Variants in MECOM observed in about 807,000 individuals in gnomAD.
MECOM encodes the protein histone-lysine N-methyltransferase MECOM.
MECOM carries 13 observed loss-of-function variants against 116.3 expected under a neutral mutation model. The ratio of observed to expected loss-of-function variants is 0.11; its 90% confidence interval spans 0.07 to 0.18. The LOEUF (loss-of-function observed/expected upper bound fraction) is 0.18. Ranked by LOEUF, MECOM falls within the 10% of genes least tolerant of loss-of-function variation. The pLI is 1.00. For missense variants in MECOM, 1,299 were observed against 1,509.0 expected, an observed-to-expected ratio of 0.86 and a Z score of 2.31; for synonymous variants, 528 against 535.2, an observed-to-expected ratio of 0.99 and a Z score of 0.19.
At chr3:169,379,306 C>T (rs189906153) in intron 2 of MECOM, among the ~76,000 whole-genome samples, 4 of 151,904 alleles carry the variant, frequency 2.6e-5, no homozygotes, top group East Asian at 1.9e-4. Flanking sequence ...GAAGGGTAAT[C>T]GTTAAAATGA....
chr3:169,534,726 C>T (rs1400189622), intron 1 of MECOM, among the ~76,000 whole-genome samples: 1 of 152,184 alleles, frequency 6.6e-6, no homozygotes, highest in Non-Finnish European at 1.5e-5. Context: ...ACATGCAATC[C>T]TCATCCCATG....
chr3:169,175,721 A>G (rs1385354958), intron 2 of MECOM, among the ~76,000 whole-genome samples: 2 of 152,176 alleles, frequency 1.3e-5, no homozygotes, highest in African/African-American at 4.8e-5. Context: ...CCCGTCGCAC[A>G]ATGTTTGTAT....
chr3:169,145,684 C>T (rs1281797849), intron 2 of MECOM: 1 of 223,856 alleles, frequency 4.5e-6, no homozygotes, highest in African/African-American at 2.2e-5. Context: ...ATTTCAAAGT[C>T]AAGAAGCATC....
rs375404918 is a variant in MECOM, at chr3:169,102,172, G to A, written c.2659C>T (p.Pro887Ser). 6.2e-7 allele frequency: 1 copy of A among 1,613,762 alleles called. No individual in the cohort carries two copies. The highest frequency in any genetic ancestry group is 8.5e-7 in the Non-Finnish European group (1 of 1,179,860). ...EKLESFSALK[P>S]EASELLQSVP... is the part of the protein sequence containing the mutation. The stretch of plus-strand genomic sequence containing the variant: ...GACTGTAAGAGCTCACTGGCCTCAG[G>A]TTTCAGGGCACTGAAGCTCTCTAGC... Residue 887 changes from proline to serine, a missense_variant, in exon 11 of 17, where the codon CCT becomes TCT. This residue lies in a region of MECOM where 340 missense variants were observed against 312.6 expected (regional missense o/e 1.09). Coordinates refer to ENST00000651503, the MANE Select transcript of MECOM (RefSeq NM_004991.4).
chr3:169,277,296 C>T (rs559173770), intron 2 of MECOM, among the ~76,000 whole-genome samples: 1 of 152,072 alleles, frequency 6.6e-6, no homozygotes, highest in South Asian at 2.1e-4. Flanking sequence ...AAACATACTA[C>T]CTCCCTGAAA....
chr3:169,662,669 C>G (rs1001758604), intron 1 of MECOM, among the ~76,000 whole-genome samples: 1 of 151,594 alleles, frequency 6.6e-6, no homozygotes, highest in Non-Finnish European at 1.5e-5. Flanking sequence ...AGAGCATGGC[C>G]GAGCGCACAG....
At chr3:169,629,358 C>T (rs980983487) in intron 1 of MECOM, among the ~76,000 whole-genome samples, 1 of 151,980 alleles carries the variant, frequency 6.6e-6, no homozygotes, top group Non-Finnish European at 1.5e-5. Flanking sequence ...TTTCTAGCCT[C>T]TGTGTATCTG....
At chr3:169,605,870 A>C (rs897786992) in intron 1 of MECOM, among the ~76,000 whole-genome samples, 12 of 152,210 alleles carry the variant, frequency 7.9e-5, no homozygotes, top group African/African-American at 2.7e-4. Context: ...GATGTAACGC[A>C]TTTGATGCTG....
chr3:169,546,619 T>C (rs61637219), intron 1 of MECOM, among the ~76,000 whole-genome samples: 9,161 of 152,288 alleles, frequency 0.06, 339 homozygotes, highest in African/African-American at 0.063. Flanking sequence ...GCAGCTCTCC[T>C]GGTAGTGTGT....
chr3:169,654,244 T>C (rs1299656471), intron 1 of MECOM, among the ~76,000 whole-genome samples: 1 of 152,180 alleles, frequency 6.6e-6, no homozygotes, highest in Non-Finnish European at 1.5e-5. Context: ...AAGACTTAAT[T>C]TTACCTGTTA....
At chr3:169,102,263 C>T in intron 10 of MECOM, 37 bp from the exon 11 acceptor site, 1 of 1,569,054 alleles carries the variant, frequency 6.4e-7, no homozygotes, top group Non-Finnish European at 8.7e-7. Context: ...AAGCGTTTGG[C>T]ATCTTGTCTT....
rs185675352 is a variant in MECOM, at chr3:169,235,812, A to C, written c.376-91980T>G. 3.9e-5 allele frequency among the ~76,000 whole-genome samples: 6 copies of C among 152,096 alleles called. No homozygotes were observed. The East Asian group carries it at 5.8e-4, about 15-fold the overall frequency. On this transcript the variant is annotated intron_variant, in intron 2 of 16. Coordinates refer to ENST00000651503, the MANE Select transcript of MECOM (RefSeq NM_004991.4). ...ATGTTTTCATTCTCTTAGTTCCCCAAATGACAAATAATTACTATCTCCCAA... is the reference window on the plus strand; with the variant it reads ...ATGTTTTCATTCTCTTAGTTCCCCACATGACAAATAATTACTATCTCCCAA...
intron 1 of MECOM, among the ~76,000 whole-genome samples, chr3:169,576,932 G>A (rs1301214909): frequency 6.6e-6 from 1 of 152,034 alleles, no homozygotes; most frequent in Non-Finnish European, 1.5e-5. Flanking sequence ...TTTAGACATT[G>A]TGTAGACATA....
At chr3:169,258,116 A>G (rs1757086703) in intron 2 of MECOM, among the ~76,000 whole-genome samples, 1 of 152,270 alleles carries the variant, frequency 6.6e-6, no homozygotes, top group Non-Finnish European at 1.5e-5. Context: ...GCTACTCAGG[A>G]GTTCGAGGCA....
chr3:169,089,688 A>G (rs1719025146), intron 15 of MECOM, among the ~76,000 whole-genome samples: 1 of 152,134 alleles, frequency 6.6e-6, no homozygotes, highest in African/African-American at 2.4e-5. Context: ...ATAACGTCAA[A>G]ATCTCTATTT....
At chr3:169,561,588 G>A (rs893996788) in intron 1 of MECOM, among the ~76,000 whole-genome samples, 2 of 152,012 alleles carry the variant, frequency 1.3e-5, no homozygotes, top group Non-Finnish European at 2.9e-5. Context: ...AATATGCATG[G>A]GATAGCTAAA....
Position 169,552,436 on chromosome 3 carries a change from G to A in MECOM, c.37+110900C>T, listed in dbSNP as rs570035476. 1.6e-4 allele frequency among the ~76,000 whole-genome samples: 24 copies of A among 152,042 alleles called. No individual in the cohort carries two copies. The South Asian group carries it at 5.0e-3, about 32-fold the overall frequency. ...ATAATAATAGCAACTAACATTTATT[G>A]AATACTTACTATACATTGGTCACTG... On this transcript the variant is annotated intron_variant, in intron 1 of 16. Transcript: ENST00000651503.
chr3:169,420,831 T>A (rs187356776), intron 1 of MECOM, among the ~76,000 whole-genome samples: 2 of 152,288 alleles, frequency 1.3e-5, no homozygotes, highest in Admixed American at 1.3e-4. Context: ...TAACTGAACA[T>A]GAACATGCAC....
At chr3:169,486,026 A>ATACTATATATAT (rs1485601042) in intron 1 of MECOM, among the ~76,000 whole-genome samples, 1 of 123,716 alleles carries the variant, frequency 8.1e-6, no homozygotes, top group African/African-American at 3.0e-5. Flanking sequence ...ATGTATATAT[A>ATACTATATATAT]GTATATATAT....
Sources: gnomAD v4.1 joint callset for allele counts (sites outside exome capture counted in the v4.1 genomes callset) on GRCh38, gnomAD v4.1.1 for gene constraint, gnomAD v4.1.1 regional missense constraint, MANE v1.5 for transcripts, NCBI Gene and HGNC (gene_info 2026-07-23, HGNC 2026-07-21) for gene names.